Variants in EXOC4 observed in about 807,000 individuals in gnomAD.
The protein encoded by EXOC4 is exocyst complex component 4.
A neutral mutation model predicts 107.2 loss-of-function variants in EXOC4; 71 were observed. The observed-to-expected ratio is 0.66, with a 90% CI of 0.55 to 0.81. The LOEUF (loss-of-function observed/expected upper bound fraction) is 0.81. Among genes scored for constraint, EXOC4 ranks in the 30% least tolerant of loss-of-function variants. The pLI, the probability that EXOC4 is intolerant of heterozygous loss-of-function variation, is 0.00. For synonymous variants in EXOC4, 456 were observed against 441.2 expected (o/e 1.03, Z -0.42); for missense variants, 1,108 against 1,189.6 (o/e 0.93, Z 1.01).
intron 9 of EXOC4, among the ~76,000 whole-genome samples, chr7:133,495,647 C>T (rs1438875133): frequency 1.3e-5 from 2 of 152,160 alleles, no homozygotes. Context: ...CACATTCATT[C>T]TTGTGGATTT....
At chr7:133,980,480 C>T (rs1793954384) in intron 14 of EXOC4, among the ~76,000 whole-genome samples, 1 of 152,192 alleles carries the variant, frequency 6.6e-6, no homozygotes, top group Non-Finnish European at 1.5e-5. Flanking sequence ...ACAGGTTTAA[C>T]GATTTCCCCA....
At chr7:133,791,239 G>A (rs1255846829) in intron 10 of EXOC4, among the ~76,000 whole-genome samples, 1 of 152,222 alleles carries the variant, frequency 6.6e-6, no homozygotes, top group Non-Finnish European at 1.5e-5. Context: ...ATTGGTGATA[G>A]GGTTTACGAG....
intron 10 of EXOC4, among the ~76,000 whole-genome samples, chr7:133,762,644 G>A (rs1796056369): frequency 1.3e-5 from 2 of 151,952 alleles, no homozygotes; most frequent in African/African-American, 4.8e-5. Context: ...AAACTAAATA[G>A]CAATAGGGAA....
intron 9 of EXOC4, among the ~76,000 whole-genome samples, chr7:133,492,967 T>G (rs1485007637): frequency 0.017 from 1 of 60 alleles, no homozygotes; most frequent in Non-Finnish European, 0.031. Context: ...AGTTAGAGGT[T>G]CGGAGTGGTG....
chr7:133,464,942 C>T (rs1430823024), intron 7 of EXOC4, among the ~76,000 whole-genome samples: 3 of 150,794 alleles, frequency 2.0e-5, no homozygotes, highest in Non-Finnish European at 3.0e-5. Flanking sequence ...AGGTCAGCCT[C>T]CCAAGAGGCT....
chr7:133,400,001 T>A (rs937175584), intron 7 of EXOC4, among the ~76,000 whole-genome samples: 2 of 152,212 alleles, frequency 1.3e-5, no homozygotes, highest in African/African-American at 4.8e-5. Flanking sequence ...ACTAAACACT[T>A]ACTGAATACC....
intron 10 of EXOC4, among the ~76,000 whole-genome samples, chr7:133,701,855 G>A (rs182688669): frequency 1.1e-4 from 16 of 152,014 alleles, no homozygotes; most frequent in South Asian, 1.0e-3. Flanking sequence ...ATAATTTTGC[G>A]CATATAACAA....
intron 14 of EXOC4, among the ~76,000 whole-genome samples, chr7:133,971,741 C>G (rs1301223626): frequency 1.3e-5 from 2 of 152,026 alleles, no homozygotes; most frequent in African/African-American, 2.4e-5. Flanking sequence ...GTACACACAC[C>G]AAGAAGGACA....
In EXOC4 at chr7:133,524,784, G is replaced by T. The variant is rs10261579; in HGVS notation, c.1417+44646G>T. ...GTGTTATTTCTGAGGGCTCTGTTCT[G>T]TTCCATTGATCTATATCTCTGTTTT... is the stretch of plus-strand genomic sequence containing the variant. On this transcript the variant is annotated intron_variant, in intron 9 of 17. Coordinates refer to ENST00000253861, the MANE Select transcript of EXOC4 (RefSeq NM_021807.4). Among the ~76,000 whole-genome samples, 191 of 152,256 alleles carry T rather than the reference G, an allele frequency of 1.3e-3. 1 individual carries two copies. The highest frequency in any genetic ancestry group is 4.4e-3 in the African/African-American group (184 of 41,546).
chr7:134,018,810 T>C (rs2116409766), intron 17 of EXOC4, among the ~76,000 whole-genome samples: 1 of 152,312 alleles, frequency 6.6e-6, no homozygotes, highest in South Asian at 2.1e-4. Context: ...TGGGTGGTTT[T>C]CCCCCTTTTA....
At chr7:133,779,108 G>T (rs945024484) in intron 10 of EXOC4, among the ~76,000 whole-genome samples, 2 of 152,194 alleles carry the variant, frequency 1.3e-5, no homozygotes, top group African/African-American at 4.8e-5. Context: ...TTATACATCA[G>T]TGAGTACCTT....
At chr7:133,353,427 TTTTA>T (rs1563031729) in intron 5 of EXOC4, among the ~76,000 whole-genome samples, 1 of 152,114 alleles carries the variant, frequency 6.6e-6, no homozygotes, top group Non-Finnish European at 1.5e-5. Context: ...TTGACAGTTT[TTTTA>T]TTTGTTTGTT....
Position 133,358,298 on chromosome 7 carries a change from G to C in EXOC4, c.1007+1725G>C, listed in dbSNP as rs181295080. The stretch of plus-strand genomic sequence containing the variant: ...AGACCTGACTTTGTATCCCCACTTT[G>C]TGATTTGCAAAAATTAACCTGTCTT... On this transcript the variant is annotated intron_variant, in intron 6 of 17. Coordinates refer to ENST00000253861, the MANE Select transcript of EXOC4 (RefSeq NM_021807.4). Among the ~76,000 whole-genome samples, 123 of 152,278 alleles carry C rather than the reference G, an allele frequency of 8.1e-4. 1 individual carries two copies. The highest frequency in any genetic ancestry group is 6.0e-3 in the South Asian group (29 of 4,830).
At chr7:133,329,496 G>A (rs1795328462) in intron 5 of EXOC4, among the ~76,000 whole-genome samples, 1 of 152,166 alleles carries the variant, frequency 6.6e-6, no homozygotes, top group Non-Finnish European at 1.5e-5. Context: ...CTTAGGAGAA[G>A]AGGCATTCTA....
At chr7:133,999,578 A>G (rs1231769147) in intron 15 of EXOC4, among the ~76,000 whole-genome samples, 1 of 152,210 alleles carries the variant, frequency 6.6e-6, no homozygotes, top group African/African-American at 2.4e-5. Flanking sequence ...GCGGACAGAG[A>G]AATCAGGTGT....
In EXOC4 at chr7:133,858,458, A is replaced by G. The variant is rs569573746; in HGVS notation, c.1735-37141A>G. Among the ~76,000 whole-genome samples the G allele has an allele frequency of 6.6e-5, 10 of 152,204 alleles. No homozygotes were observed. In the East Asian group the frequency reaches 9.7e-4, roughly 15 times the overall value. On this transcript the variant is annotated intron_variant, in intron 11 of 17. Coordinates refer to ENST00000253861, the MANE Select transcript of EXOC4 (RefSeq NM_021807.4). ...GAAAAAGCACCACTTGACTGACCCAAAGGCATTAAGGAAGTTCTCACTGTG... is the reference window on the plus strand; with the variant it reads ...GAAAAAGCACCACTTGACTGACCCAGAGGCATTAAGGAAGTTCTCACTGTG...
chr7:133,551,434 G>A (rs1284506563), intron 9 of EXOC4, among the ~76,000 whole-genome samples: 1 of 151,996 alleles, frequency 6.6e-6, no homozygotes, highest in East Asian at 1.9e-4. Flanking sequence ...AGAGTACAGA[G>A]AAATAATATT....
chr7:133,433,028 G>GT (rs374358060), intron 7 of EXOC4, among the ~76,000 whole-genome samples: 2 of 152,122 alleles, frequency 1.3e-5, no homozygotes, highest in Non-Finnish European at 2.9e-5. Flanking sequence ...CAATTTTACA[G>GT]TTTTTTTCTG....
intron 10 of EXOC4, among the ~76,000 whole-genome samples, chr7:133,657,974 A>G (rs1388892405): frequency 4.6e-5 from 7 of 152,188 alleles, no homozygotes; most frequent in African/African-American, 1.4e-4. Flanking sequence ...AGTGCGGGAT[A>G]TAGGCAATCT....
Sources: allele counts gnomAD v4.1 joint callset (sites outside exome capture counted in the v4.1 genomes callset), GRCh38; gene constraint gnomAD v4.1.1; transcripts MANE v1.5; gene names NCBI Gene and HGNC (gene_info 2026-07-23, HGNC 2026-07-21).